Variants in SDK1 observed in about 807,000 individuals in gnomAD.
SDK1 encodes the protein sidekick cell adhesion molecule 1, also known as protein sidekick-1.
In SDK1, 157 loss-of-function variants were observed where a neutral mutation model predicts 245.5. The observed-to-expected ratio is 0.64, with a 90% CI of 0.56 to 0.73. The LOEUF is 0.73. Among genes scored for constraint, SDK1 ranks in the 30% least tolerant of loss-of-function variants. The probability of loss-of-function intolerance (pLI) is 0.00; values close to 1 mark genes in which losing one functional copy is unlikely to be tolerated. For synonymous variants in SDK1, 1,647 were observed against 1,278.5 expected, an observed-to-expected ratio of 1.29 and a Z score of -6.15; for missense variants, 3,583 against 3,002.3, an observed-to-expected ratio of 1.19 and a Z score of -4.52.
intron 4 of SDK1, among the ~76,000 whole-genome samples, chr7:3,655,811 G>C (rs536750210): frequency 6.6e-6 from 1 of 152,110 alleles, no homozygotes; most frequent in East Asian, 1.9e-4. Flanking sequence ...ACAGGTTTCA[G>C]TCCCGGCCCT....
intron 12 of SDK1, 99 bp downstream of exon 12, chr7:3,971,667 T>G: frequency 1.1e-6 from 1 of 882,816 alleles, no homozygotes; most frequent in Non-Finnish European, 1.8e-6. Context: ...GAACTTTTGA[T>G]TTCAGCAGCA....
chr7:4,150,332 C>T (rs757845136), intron 30 of SDK1, among the ~76,000 whole-genome samples: 8 of 152,272 alleles, frequency 5.3e-5, no homozygotes, highest in Middle Eastern at 3.4e-3. Flanking sequence ...GGCTGTGGAG[C>T]GGGGGTCTTG....
intron 4 of SDK1, among the ~76,000 whole-genome samples, chr7:3,766,854 G>A (rs975658819): frequency 1.3e-5 from 2 of 152,104 alleles, no homozygotes; most frequent in Non-Finnish European, 2.9e-5. Flanking sequence ...ATATAAATGA[G>A]TAATTAATAC....
intron 40 of SDK1, among the ~76,000 whole-genome samples, chr7:4,231,104 G>A (rs80231995): frequency 0.011 from 1,620 of 152,202 alleles, 26 homozygotes; most frequent in African/African-American, 0.037. Context: ...ACTCACATAC[G>A]ACAATATAAA....
chr7:3,526,314 A>C (rs1583123888), intron 1 of SDK1, among the ~76,000 whole-genome samples: 1 of 151,910 alleles, frequency 6.6e-6, no homozygotes, highest in African/African-American at 2.4e-5. Context: ...TTTACCATGG[A>C]TTTTTTAATT....
At chr7:3,408,286 T>C (rs189455219) in intron 1 of SDK1, among the ~76,000 whole-genome samples, 52 of 152,250 alleles carry the variant, frequency 3.4e-4, no homozygotes, top group South Asian at 2.9e-3. Context: ...TCAAGTGATA[T>C]GCCTGCTGTG....
chr7:3,495,969 A>AT (rs1562522193), intron 1 of SDK1, among the ~76,000 whole-genome samples: 1 of 152,238 alleles, frequency 6.6e-6, no homozygotes, highest in African/African-American at 2.4e-5. Flanking sequence ...CAACTAGAAC[A>AT]TACTTATCTT....
At chr7:3,561,811 G>A (rs1449772853) in intron 1 of SDK1, among the ~76,000 whole-genome samples, 1 of 152,088 alleles carries the variant, frequency 6.6e-6, no homozygotes, top group African/African-American at 2.4e-5. Context: ...CTCTGAATCT[G>A]GATTTAAACA....
rs1434259045 is a variant in SDK1, at chr7:3,619,151, C to T, written c.370C>T (p.Leu124Phe). 1.9e-6 allele frequency: 3 copies of T among 1,613,926 alleles called. No homozygotes were observed. The highest frequency in any genetic ancestry group is 2.5e-6 in the Non-Finnish European group (3 of 1,179,952). The change falls in exon 2 of 45, where the codon CTC becomes TTC. Residue 124 changes from leucine to phenylalanine, a missense_variant. Leu to Phe is a conservative substitution (Grantham distance 22). Coordinates refer to ENST00000404826, the MANE Select transcript of SDK1 (RefSeq NM_152744.4). ...CCACCTGGAAGGGAACCGCCTTGTT[C>T]TCACCTGCCTTGCCGAAGGGAGCTG... ...QIHLEGNRLV[L>F]TCLAEGSWPL...
intron 1 of SDK1, among the ~76,000 whole-genome samples, chr7:3,330,612 C>G (rs1056760194): frequency 6.6e-6 from 1 of 152,064 alleles, no homozygotes; most frequent in Non-Finnish European, 1.5e-5. Flanking sequence ...TCACCAGATG[C>G]CAGTGCCATG....
chr7:3,435,915 CA>C lies in SDK1; in HGVS notation c.298+134034del, dbSNP rs1435084920. Among the ~76,000 whole-genome samples, 4 of 152,306 alleles carry C rather than the reference CA, an allele frequency of 2.6e-5. No individual in the cohort carries two copies. The East Asian group carries it at 7.7e-4, about 29-fold the overall frequency. On this transcript the variant is annotated intron_variant, in intron 1 of 44. Coordinates refer to ENST00000404826, the MANE Select transcript of SDK1 (RefSeq NM_152744.4). ...AACAAGATTGTGTTAAAGGAAGCAA[CA>C]AAGGTTCTTCTATTGGATGTAGTTG...
At chr7:3,760,123 T>C (rs1780051036) in intron 4 of SDK1, among the ~76,000 whole-genome samples, 2 of 152,134 alleles carry the variant, frequency 1.3e-5, no homozygotes, top group Admixed American at 1.3e-4. Flanking sequence ...GGAAAATTCC[T>C]CCATAAATAA....
At chr7:3,349,280 G>C (rs962748653) in intron 1 of SDK1, among the ~76,000 whole-genome samples, 1 of 152,044 alleles carries the variant, frequency 6.6e-6, no homozygotes, top group African/African-American at 2.4e-5. Context: ...GTGGTTTTGT[G>C]GGAAGAGCAG....
intron 1 of SDK1, among the ~76,000 whole-genome samples, chr7:3,510,392 C>A (rs555224606): frequency 6.6e-6 from 1 of 152,110 alleles, no homozygotes; most frequent in Non-Finnish European, 1.5e-5. Flanking sequence ...TAGTTATGTT[C>A]CATGTAGTTG....
At chr7:3,384,295 A>G (rs1781557936) in intron 1 of SDK1, among the ~76,000 whole-genome samples, 1 of 152,162 alleles carries the variant, frequency 6.6e-6, no homozygotes, top group African/African-American at 2.4e-5. Context: ...GTAGTAACTG[A>G]AATATACTCT....
intron 1 of SDK1, among the ~76,000 whole-genome samples, chr7:3,366,999 CA>C (rs1165067672): frequency 2.0e-5 from 3 of 152,106 alleles, no homozygotes; most frequent in Admixed American, 6.6e-5. Context: ...CTCAGCCTCC[CA>C]AAGTGCTGGG....
intron 4 of SDK1, among the ~76,000 whole-genome samples, chr7:3,804,569 T>A (rs1404751027): frequency 6.6e-6 from 1 of 152,216 alleles, no homozygotes; most frequent in East Asian, 1.9e-4. Context: ...CCTTTACATA[T>A]TATTTTTAGA....
intron 44 of SDK1, among the ~76,000 whole-genome samples, chr7:4,246,333 C>T (rs1004035175): frequency 1.3e-5 from 2 of 152,054 alleles, no homozygotes; most frequent in Non-Finnish European, 1.5e-5. Flanking sequence ...GCCTAGACCA[C>T]CTCTTACAGA....
chr7:3,484,445 A>G (rs1340244465), intron 1 of SDK1, among the ~76,000 whole-genome samples: 1 of 152,218 alleles, frequency 6.6e-6, no homozygotes, highest in Non-Finnish European at 1.5e-5. Context: ...TCCTGGAACT[A>G]GTTCCCCATG....
Sources: gnomAD v4.1 joint callset for allele counts (sites outside exome capture counted in the v4.1 genomes callset) on GRCh38, gnomAD v4.1.1 for gene constraint, MANE v1.5 for transcripts, NCBI Gene and HGNC (gene_info 2026-07-23, HGNC 2026-07-21) for gene names.